The following NBAS variants were observed in gnomAD, a reference collection of about 807,000 sequenced individuals.
NBAS encodes NBAS subunit of NRZ tethering complex.
Under a neutral mutation model 302.5 loss-of-function variants are expected in NBAS, and 219 were observed. The observed-to-expected ratio is 0.72, with a 90% CI of 0.65 to 0.81. NBAS has a LOEUF of 0.81. NBAS is among the 30% of genes least tolerant of loss of function. The probability of loss-of-function intolerance (pLI) is 0.00; values close to 1 mark genes in which losing one functional copy is unlikely to be tolerated. For missense variants in NBAS, 2,932 were observed against 2,841.6 expected, an observed-to-expected ratio of 1.03 and a Z score of -0.72; for synonymous variants, 1,118 against 1,021.6, an observed-to-expected ratio of 1.09 and a Z score of -1.80.
the NBAS span, among the ~76,000 whole-genome samples, chr2:15,074,774 A>G: frequency 6.0e-4 from 91 of 152,342 alleles, no homozygotes; most frequent in East Asian, 0.011. Flanking sequence ...TCTTACAAAT[A>G]TGGAAAACCT....
the NBAS span, among the ~76,000 whole-genome samples, chr2:15,024,288 CA>C: frequency 9.5e-4 from 143 of 150,462 alleles, no homozygotes; most frequent in African/African-American, 2.6e-3. Flanking sequence ...AATGTTCCTG[CA>C]AAAAAAAAAA....
Position 15,364,000 on chromosome 2 carries a change from A to G in NBAS, c.3817+2580T>C, listed in dbSNP as rs115347030. 4.2e-3 allele frequency among the ~76,000 whole-genome samples: 644 copies of G among 152,308 alleles called. 6 individuals are homozygous for G. The highest frequency in any genetic ancestry group is 0.015 in the African/African-American group (614 of 41,570). On this transcript the variant is annotated intron_variant, in intron 32 of 51. Coordinates refer to ENST00000281513, the MANE Select transcript of NBAS (RefSeq NM_015909.4). ...TGAGAGAACACACTCAAGCAGCCCA[A>G]TGGAGAGTTCCATGTAGCAGGAAAC...
the NBAS span, among the ~76,000 whole-genome samples, chr2:14,813,216 C>A: frequency 6.6e-6 from 1 of 152,042 alleles, no homozygotes; most frequent in Non-Finnish European, 1.5e-5. Context: ...TATAAAGATA[C>A]CTGAAAATGT....
chr2:15,382,638 G>A (rs1424070266), intron 29 of NBAS, among the ~76,000 whole-genome samples: 1 of 152,292 alleles, frequency 6.6e-6, no homozygotes, highest in Admixed American at 6.5e-5. Flanking sequence ...TGGTGCTACT[G>A]CAACATAGGG....
chr2:14,896,098 A>C, the NBAS span, among the ~76,000 whole-genome samples: 1 of 152,080 alleles, frequency 6.6e-6, no homozygotes, highest in Non-Finnish European at 1.5e-5. Context: ...AAAACAACAA[A>C]ATTAATCCGG....
chr2:14,902,347 T>C, the NBAS span, among the ~76,000 whole-genome samples: 3 of 152,154 alleles, frequency 2.0e-5, no homozygotes, highest in Admixed American at 1.3e-4. Context: ...GGCCAGGCTG[T>C]TCTCCAACTC....
rs564093254 is a variant in NBAS at position 15,515,905 on chromosome 2, G to A, written c.747-4555C>T. Among the ~76,000 whole-genome samples the A allele has an allele frequency of 2.0e-5, 3 of 152,210 alleles. No individual in the cohort carries two copies. In the East Asian group the frequency reaches 5.8e-4, roughly 29 times the overall value. On this transcript the variant is annotated intron_variant, in intron 9 of 51. Coordinates refer to ENST00000281513, the MANE Select transcript of NBAS (RefSeq NM_015909.4). ...TCATTAGGAAGCACAGAGTGAAGAA[G>A]GTACAAAGAGACCCATCTTCTTACT...
the NBAS span, among the ~76,000 whole-genome samples, chr2:15,141,611 C>T: frequency 6.6e-6 from 1 of 152,186 alleles, no homozygotes; most frequent in Non-Finnish European, 1.5e-5. Flanking sequence ...AAAGGCTAGA[C>T]TCATTTTGAT....
chr2:14,863,481 A>T, the NBAS span, among the ~76,000 whole-genome samples: 18 of 152,278 alleles, frequency 1.2e-4, no homozygotes, highest in African/African-American at 4.1e-4. Flanking sequence ...ATGTCATAAG[A>T]TCAATTGATC....
chr2:15,151,478 G>A, the NBAS span, among the ~76,000 whole-genome samples: 1 of 152,198 alleles, frequency 6.6e-6, no homozygotes, highest in East Asian at 1.9e-4. Context: ...CAACTGCAAA[G>A]GCTATCACTT....
At chr2:15,140,112 G>A in the NBAS span, among the ~76,000 whole-genome samples, 1 of 152,200 alleles carries the variant, frequency 6.6e-6, no homozygotes, top group African/African-American at 2.4e-5. Context: ...ATGTTGTGAG[G>A]AAGCCCAAGT....
At chr2:15,547,618 G>A (rs1664176906) in intron 6 of NBAS, among the ~76,000 whole-genome samples, 1 of 152,116 alleles carries the variant, frequency 6.6e-6, no homozygotes, top group African/African-American at 2.4e-5. Context: ...CTAGGAGCAG[G>A]TATCTAATGC....
the NBAS span, among the ~76,000 whole-genome samples, chr2:15,105,750 G>C: frequency 6.6e-6 from 1 of 152,074 alleles, no homozygotes; most frequent in Non-Finnish European, 1.5e-5. Flanking sequence ...CCCAAATATG[G>C]CTGTGACAAG....
intron 21 of NBAS, among the ~76,000 whole-genome samples, chr2:15,440,539 T>C (rs1678322367): frequency 6.6e-6 from 1 of 151,908 alleles, no homozygotes; most frequent in Non-Finnish European, 1.5e-5. Context: ...CAAAAGTAGA[T>C]AAAACCACAA....
At chr2:15,086,509 A>T in the NBAS span, among the ~76,000 whole-genome samples, 1 of 152,202 alleles carries the variant, frequency 6.6e-6, no homozygotes, top group Non-Finnish European at 1.5e-5. Flanking sequence ...CTTGCTTGCC[A>T]TATTGCAGAC....
chr2:14,828,575 T>G, the NBAS span, among the ~76,000 whole-genome samples: 1 of 152,112 alleles, frequency 6.6e-6, no homozygotes, highest in Admixed American at 6.5e-5. Context: ...AAGATTTAAT[T>G]AACACATACA....
At chr2:14,822,057 TCCAAAA>T in the NBAS span, among the ~76,000 whole-genome samples, 4,071 of 151,612 alleles carry the variant, frequency 0.027, 81 homozygotes, top group Non-Finnish European at 0.043. Context: ...AAATGTAACA[TCCAAAA>T]TGACACCCAA....
At chr2:15,009,639 T>C in the NBAS span, among the ~76,000 whole-genome samples, 146 of 133,602 alleles carry the variant, frequency 1.1e-3, 1 homozygote, top group East Asian at 0.018. Context: ...CACACACACA[T>C]ATACACATAT....
chr2:15,080,356 C>A, the NBAS span, among the ~76,000 whole-genome samples: 4 of 152,252 alleles, frequency 2.6e-5, no homozygotes, highest in African/African-American at 9.6e-5. Flanking sequence ...TTCAGAGCCA[C>A]AGCCATCCCT....
Sources: allele counts gnomAD v4.1 joint callset (sites outside exome capture counted in the v4.1 genomes callset), GRCh38; gene constraint gnomAD v4.1.1; transcripts MANE v1.5; gene names NCBI Gene and HGNC (gene_info 2026-07-23, HGNC 2026-07-21).